ABCC8: variants seen among roughly 807,000 people sequenced by gnomAD.
ABCC8 encodes the protein ATP-binding cassette sub-family C member 8.
A neutral mutation model predicts 188.0 loss-of-function variants in ABCC8; 137 were observed. That is an observed-to-expected ratio of 0.73 (90% CI 0.63 to 0.84). The LOEUF (loss-of-function observed/expected upper bound fraction) is 0.84. Ranked by LOEUF, ABCC8 falls within the 40% of genes least tolerant of loss-of-function variation. The pLI is 0.00. For synonymous variants in ABCC8, 797 were observed against 846.5 expected (o/e 0.94, Z 1.01); for missense variants, 1,750 against 2,072.7 (o/e 0.84, Z 3.02).
intron 26 of ABCC8, 80 bp from the exon 27 acceptor site, chr11:17,405,643 T>G: frequency 6.2e-7 from 1 of 1,609,774 alleles, no homozygotes; most frequent in South Asian, 1.1e-5. Flanking sequence ...GTTAATTATT[T>G]CATGTAAGTG....
At chr11:17,442,992 G>GGGA in intron 9 of ABCC8, 110 bp from the exon 10 acceptor site, 1 of 1,567,124 alleles carries the variant, frequency 6.4e-7, no homozygotes, top group Non-Finnish European at 8.7e-7. Flanking sequence ...TGTCCTCACC[G>GGGA]GGAGGCAGCC....
At chr11:17,428,795 A>G (rs910637586) in intron 12 of ABCC8, 125 bp from the exon 13 acceptor site, 18 of 1,522,570 alleles carry the variant, frequency 1.2e-5, no homozygotes, top group Non-Finnish European at 1.4e-5. Context: ...CAAAGCCCAC[A>G]CTGAAGGGGG....
intron 6 of ABCC8, among the ~76,000 whole-genome samples, chr11:17,456,165 A>G (rs910070765): frequency 6.6e-6 from 1 of 152,176 alleles, no homozygotes; most frequent in African/African-American, 2.4e-5. Context: ...GGAAAATCAT[A>G]GGCCCTAGTC....
intron 10 of ABCC8, among the ~76,000 whole-genome samples, chr11:17,441,635 C>T (rs1956319379): frequency 6.6e-6 from 1 of 152,124 alleles, no homozygotes; most frequent in African/African-American, 2.4e-5. Context: ...TGGGAAGTAA[C>T]CACCATGGGA....
Position 17,428,290 on chromosome 11 carries a change from T to G in ABCC8, c.2039A>C (p.Gln680Pro), listed in dbSNP as rs1357284297. 6.2e-7 allele frequency: 1 copy of G among 1,614,044 alleles called. No homozygotes were observed. Among genetic ancestry groups the G allele is most frequent in the African/African-American group, 1.3e-5 (1 of 74,944 alleles). The part of the protein sequence containing the change: ...ADGDADNCCV[Q>P]IMGGYFTWTP... ...CAGGCATGGGGCAGCAGGACTCACCTGGACACAGCAGTTGTCAGCATCGCC... is the reference window on the plus strand; with the variant it reads ...CAGGCATGGGGCAGCAGGACTCACCGGGACACAGCAGTTGTCAGCATCGCC... Residue 680 changes from glutamine (Q) to proline (P), a missense_variant and splice_region_variant, in exon 14 of 39, where the codon CAG (glutamine) becomes CCG (proline). Gln to Pro is a moderately conservative substitution (Grantham distance 76). Transcript: ENST00000389817.
At chr11:17,412,813 T>G in intron 20 of ABCC8, 67 bp from the exon 21 acceptor site, 6 of 1,558,686 alleles carry the variant, frequency 3.8e-6, no homozygotes, top group Non-Finnish European at 5.2e-6. Context: ...TGTACCCTAC[T>G]GGACTATGAG....
chr11:17,443,008 C>T (rs1956381805), intron 9 of ABCC8, 126 bp from the exon 10 acceptor site: 3 of 1,542,118 alleles, frequency 1.9e-6, no homozygotes, highest in African/African-American at 1.4e-5. Context: ...CAGCCTCCTC[C>T]CCCATTGACT....
At chr11:17,398,058 C>G (rs1028953837) in intron 30 of ABCC8, among the ~76,000 whole-genome samples, 4 of 152,324 alleles carry the variant, frequency 2.6e-5, no homozygotes, top group Non-Finnish European at 5.9e-5. Flanking sequence ...CCCACAAACA[C>G]ACACAATGTG....
chr11:17,410,306 G>T, intron 22 of ABCC8: 1 of 576,704 alleles, frequency 1.7e-6, no homozygotes, highest in East Asian at 2.9e-5. Flanking sequence ...CCAGGATGGG[G>T]AGTGTCTGTG....
rs1016777738 is a variant in ABCC8 at position 17,460,045 on chromosome 11, T to G, written c.1011+443A>C. Among the ~76,000 whole-genome samples the G allele has an allele frequency of 5.9e-5, 9 of 152,360 alleles. No homozygotes were observed. The South Asian group carries it at 1.9e-3, about 32-fold the overall frequency. On this transcript the variant is annotated intron_variant, in intron 6 of 38. Coordinates refer to ENST00000389817, the MANE Select transcript of ABCC8 (RefSeq NM_000352.6). Reference sequence around the variant, plus strand: ...GAGGGTTTCCCACTTCTCTCTCCTCTGACAGTAGCTCCCAAGATGCCCCTG... The same window carrying G: ...GAGGGTTTCCCACTTCTCTCTCCTCGGACAGTAGCTCCCAAGATGCCCCTG...
At chr11:17,426,868 T>C (rs1346165880) in intron 16 of ABCC8, among the ~76,000 whole-genome samples, 181 bp downstream of exon 16, 1 of 152,208 alleles carries the variant, frequency 6.6e-6, no homozygotes, top group Non-Finnish European at 1.5e-5. Flanking sequence ...GCAAAGAACC[T>C]GCGCATAGTA....
At chr11:17,451,325 C>T (rs1001495675) in intron 7 of ABCC8, among the ~76,000 whole-genome samples, 2 of 152,172 alleles carry the variant, frequency 1.3e-5, no homozygotes, top group African/African-American at 4.8e-5. Flanking sequence ...TCTGGGCCCC[C>T]ATGAGTCTTA....
intron 38 of ABCC8, 179 bp from the exon 39 acceptor site, chr11:17,393,307 G>T: frequency 1.2e-6 from 1 of 829,514 alleles, no homozygotes; most frequent in Non-Finnish European, 1.9e-6. Context: ...CTCTCCATCT[G>T]CTAATACCAC....
intron 7 of ABCC8, among the ~76,000 whole-genome samples, chr11:17,451,112 C>G (rs372604414): frequency 6.6e-6 from 1 of 152,160 alleles, no homozygotes; most frequent in East Asian, 1.9e-4. Flanking sequence ...CATTAAAAAA[C>G]CATTTTTGGC....
At chr11:17,461,273 G>A in intron 5 of ABCC8, 5 of 464,008 alleles carry the variant, frequency 1.1e-5, no homozygotes, top group South Asian at 1.1e-4. Flanking sequence ...GCAGAGGAAA[G>A]AGCACAGGGA....
chr11:17,460,461 C>T, intron 6 of ABCC8, 27 bp downstream of exon 6: 1 of 1,613,846 alleles, frequency 6.2e-7, no homozygotes. Flanking sequence ...CTAGAGGGTG[C>T]CTTACCCTAC....
intron 5 of ABCC8, chr11:17,461,372 A>T (rs1957182354): frequency 1.5e-6 from 1 of 645,268 alleles, no homozygotes; most frequent in Admixed American, 2.5e-5. Flanking sequence ...CTAAACGGTA[A>T]GGGCCATTCC....
chr11:17,425,195 G>T (rs575715293), intron 16 of ABCC8, among the ~76,000 whole-genome samples: 1 of 152,170 alleles, frequency 6.6e-6, no homozygotes, highest in Non-Finnish European at 1.5e-5. Context: ...GCGAATGGAG[G>T]CAAAGACCCC....
chr11:17,473,699 C>T (rs80184982), intron 2 of ABCC8, among the ~76,000 whole-genome samples: 11,477 of 152,252 alleles, frequency 0.075, 553 homozygotes, highest in African/African-American at 0.13. Flanking sequence ...CACACCATTT[C>T]TGTCTGCAGT....
Sources: allele counts gnomAD v4.1 joint callset (sites outside exome capture counted in the v4.1 genomes callset), GRCh38; gene constraint gnomAD v4.1.1; transcripts MANE v1.5; gene names NCBI Gene and HGNC (gene_info 2026-07-23, HGNC 2026-07-21).